The following METTL5 variants were observed in gnomAD, a reference collection of about 807,000 sequenced individuals.
METTL5 encodes the protein rRNA N(6)-adenosine-methyltransferase METTL5.
A neutral mutation model predicts 26.5 loss-of-function variants in METTL5; 28 were observed. The ratio of observed to expected loss-of-function variants is 1.06; its 90% confidence interval spans 0.78 to 1.45. The LOEUF (loss-of-function observed/expected upper bound fraction) is 1.45, where lower values mean the gene tolerates loss of function less well. Among genes scored for constraint, METTL5 ranks in the 40% most tolerant of loss-of-function variants. The probability of loss-of-function intolerance (pLI) is 0.00; values close to 1 mark genes in which losing one functional copy is unlikely to be tolerated. For missense variants in METTL5, 231 were observed against 249.9 expected, an observed-to-expected ratio of 0.92 and a Z score of 0.51; for synonymous variants, 86 against 82.6, an observed-to-expected ratio of 1.04 and a Z score of -0.22.
At chr2:169,817,048 G>A (rs1003080585) in intron 4 of METTL5, among the ~76,000 whole-genome samples, 1 of 152,022 alleles carries the variant, frequency 6.6e-6, no homozygotes, top group African/African-American at 2.4e-5. Context: ...ATCTGACAAA[G>A]GGCTAATATC....
At chr2:169,814,314 C>G (rs1369521591) in intron 5 of METTL5, among the ~76,000 whole-genome samples, 1 of 151,668 alleles carries the variant, frequency 6.6e-6, no homozygotes, top group Admixed American at 6.6e-5. Context: ...TGGTGAAACC[C>G]TGTCTCTACT....
In METTL5 at chr2:169,824,785, CCGGCTAACCCAAGCCGCCCCAGGAGA is replaced by C; in HGVS notation, c.-214_-189del. ...ACGGGGCGAGCCTCTGACCCACCTC[CCGGCTAACCCAAGCCGCCCCAGGAGA>C]CGGCGGCGGCGCACTGCTGGAGCAG... On this transcript the variant is annotated 5_prime_UTR_variant, in exon 1 of 7. Transcript: ENST00000260953. 2 of 524,538 alleles carry C rather than the reference CCGGCTAACCCAAGCCGCCCCAGGAGA, an allele frequency of 3.8e-6. No homozygotes were observed. Among genetic ancestry groups the C allele is most frequent in the Non-Finnish European group, 3.4e-6 (1 of 290,194 alleles). The allele number at this position is 524,538 out of a possible 1,614,324, so 32.5% of individuals were successfully genotyped here.
chr2:169,816,686 A>C (rs935213672), intron 4 of METTL5, among the ~76,000 whole-genome samples: 1 of 152,240 alleles, frequency 6.6e-6, no homozygotes, highest in Admixed American at 6.5e-5. Flanking sequence ...GACAAAAACA[A>C]GCAATGGGAA....
chr2:169,824,622 G>A lies in METTL5; in HGVS notation c.-25C>T. The A allele has an allele frequency of 6.5e-7, 1 of 1,536,066 alleles. No homozygotes were observed. Among genetic ancestry groups the A allele is most frequent in the Non-Finnish European group, 9.0e-7 (1 of 1,108,732 alleles). ...TTTTGTTTTAAAGTATGGACTCGTA[G>A]GGTTTGAAGGCACAGGATCTGCGGA... is the stretch of plus-strand genomic sequence containing the variant. On this transcript the variant is annotated 5_prime_UTR_variant, in exon 1 of 7. Coordinates refer to ENST00000260953, the MANE Select transcript of METTL5 (RefSeq NM_014168.4).
intron 2 of METTL5, 146 bp from the exon 3 acceptor site, chr2:169,821,419 T>G: frequency 3.1e-6 from 2 of 643,006 alleles, no homozygotes; most frequent in Non-Finnish European, 5.1e-6. Context: ...TTTTTTTTTT[T>G]CTTTTTTCAG....
intron 4 of METTL5, among the ~76,000 whole-genome samples, chr2:169,817,814 A>C (rs1350935160): frequency 1.3e-5 from 2 of 152,162 alleles, no homozygotes; most frequent in Non-Finnish European, 2.9e-5. Context: ...TACCTAATGT[A>C]AATGACAAGT....
At chr2:169,814,134 T>A (rs1336179144) in intron 5 of METTL5, among the ~76,000 whole-genome samples, 1 of 152,038 alleles carries the variant, frequency 6.6e-6, no homozygotes, top group African/African-American at 2.4e-5. Flanking sequence ...CAAACATGAT[T>A]TACTCATAGA....
intron 4 of METTL5, among the ~76,000 whole-genome samples, chr2:169,816,894 C>T (rs1310205291): frequency 6.6e-6 from 1 of 152,116 alleles, no homozygotes; most frequent in Non-Finnish European, 1.5e-5. Context: ...GATTTCATGA[C>T]CAAAACACCA....
chr2:169,818,680 C>G (rs2081728), intron 4 of METTL5, among the ~76,000 whole-genome samples: 1 of 152,240 alleles, frequency 6.6e-6, no homozygotes, highest in Admixed American at 6.5e-5. Context: ...TGGGTTCTTA[C>G]GTACTGTATT....
chr2:169,821,114 G>T lies in METTL5; in HGVS notation c.384C>A (p.Pro128=). The T allele has an allele frequency of 6.3e-7, 1 of 1,599,584 alleles. No homozygotes were observed. Among genetic ancestry groups the T allele is most frequent in the African/African-American group, 1.3e-5 (1 of 74,198 alleles). The part of the protein sequence containing the change: ...KSFDTVIMNP[P]FGTKNNKGTD... ...AACCTTTATTATTTTTGGTCCCAAA[G>T]GGAGGATTCATAATTACTGTATCGA... Residue 128 remains proline (P), a synonymous_variant, in exon 3 of 7, where the codon CCC becomes CCA. Transcript: ENST00000260953.
chr2:169,823,017 T>C (rs1029231194), intron 1 of METTL5, among the ~76,000 whole-genome samples: 6 of 152,070 alleles, frequency 3.9e-5, no homozygotes, highest in African/African-American at 1.5e-4. Context: ...ACAGGGTCTA[T>C]CTCTATCACC....
At chr2:169,824,414 T>A (rs1371840273) in intron 1 of METTL5, 75 bp downstream of exon 1, 5 of 1,159,332 alleles carry the variant, frequency 4.3e-6, no homozygotes, top group Non-Finnish European at 6.5e-6. Flanking sequence ...TGTATCCAAA[T>A]AACTGTTCTA....
At chr2:169,821,377 C>A in intron 2 of METTL5, 104 bp from the exon 3 acceptor site, 1 of 823,776 alleles carries the variant, frequency 1.2e-6, no homozygotes. Flanking sequence ...CTTTTTAACC[C>A]AATTAGCAAA....
chr2:169,822,115 T>C lies in METTL5; in HGVS notation c.110-58A>G, dbSNP rs1161552754. 5.8e-6 allele frequency: 9 copies of C among 1,554,824 alleles called. No homozygotes were observed. In the Admixed American group the frequency reaches 1.8e-4, roughly 30 times the overall value. ...AAGCCGGTGACTAAAATCTAATTTG[T>C]GCAAATGACTCTTTCTAAAATAATT... is the stretch of plus-strand genomic sequence containing the variant. On this transcript the variant is annotated intron_variant, in intron 1 of 6. Coordinates refer to ENST00000260953, the MANE Select transcript of METTL5 (RefSeq NM_014168.4).
intron 4 of METTL5, among the ~76,000 whole-genome samples, chr2:169,816,495 C>A (rs1380445968): frequency 6.6e-6 from 1 of 152,128 alleles, no homozygotes; most frequent in African/African-American, 2.4e-5. Context: ...CCAAGACAAT[C>A]CTAAGCAAAA....
chr2:169,812,090 T>C (rs1689982169), intron 6 of METTL5: 5 of 604,310 alleles, frequency 8.3e-6, no homozygotes, highest in Non-Finnish European at 1.4e-5. Flanking sequence ...TTTTTCTTTT[T>C]GTACCCAAAG....
chr2:169,812,367 A>T (rs1426179069), intron 6 of METTL5, 90 bp downstream of exon 6: 1 of 1,609,048 alleles, frequency 6.2e-7, no homozygotes, highest in African/African-American at 1.3e-5. Context: ...CAGCCTCCCG[A>T]GTAGCTGGGA....
chr2:169,819,151 C>T (rs1448298245), intron 4 of METTL5, among the ~76,000 whole-genome samples: 2 of 152,194 alleles, frequency 1.3e-5, no homozygotes, highest in Non-Finnish European at 2.9e-5. Context: ...GATTTCTGAA[C>T]TCAGATCTGT....
rs373745484 is a variant in METTL5, at chr2:169,822,066, TAAAA to T, written c.110-13_110-10del. On this transcript the variant is annotated splice_polypyrimidine_tract_variant and intron_variant, in intron 1 of 6. Transcript: ENST00000260953. The stretch of plus-strand genomic sequence containing the variant: ...TGTATAGAGCATACATGCTAAAAAA[TAAAA>T]AAAAAAAGAATAAGTAAGCAAGCCG... 5.1e-5 allele frequency: 60 copies of T among 1,186,324 alleles called. No homozygotes were observed. Among genetic ancestry groups the T allele is most frequent in the Admixed American group, 3.6e-4 (14 of 39,298 alleles). 73.5% of individuals were successfully genotyped at this position (1,186,324 alleles called of 1,614,324 possible).
Sources: allele counts gnomAD v4.1 joint callset (sites outside exome capture counted in the v4.1 genomes callset), GRCh38; gene constraint gnomAD v4.1.1; transcripts MANE v1.5; gene names NCBI Gene and HGNC (gene_info 2026-07-23, HGNC 2026-07-21).